Variants in MARK1 observed in about 807,000 individuals in gnomAD.
MARK1 encodes the protein serine/threonine-protein kinase MARK1.
Under a neutral mutation model 96.3 loss-of-function variants are expected in MARK1, and 40 were observed. The ratio of observed to expected loss-of-function variants is 0.42; its 90% CI spans 0.32 to 0.54. MARK1 has a LOEUF of 0.54. MARK1 is among the 20% of genes least tolerant of loss of function. The probability of loss-of-function intolerance (pLI) is 0.16; values close to 1 mark genes in which losing one functional copy is unlikely to be tolerated. For missense variants in MARK1, 719 were observed against 984.6 expected (o/e 0.73, Z 3.61); for synonymous variants, 317 against 341.2 (o/e 0.93, Z 0.78).
intron 3 of MARK1, among the ~76,000 whole-genome samples, chr1:220,590,573 T>C (rs754820743): frequency 3.3e-5 from 5 of 152,148 alleles, no homozygotes; most frequent in African/African-American, 4.8e-5. Flanking sequence ...GCATTAGGGA[T>C]TCAACATATG....
intron 1 of MARK1, among the ~76,000 whole-genome samples, chr1:220,543,953 T>G (rs1159669723): frequency 6.6e-6 from 1 of 152,194 alleles, no homozygotes; most frequent in African/African-American, 2.4e-5. Context: ...AACCTCATAT[T>G]ATGATGAAAA....
chr1:220,559,797 A>G (rs981586617), intron 1 of MARK1, among the ~76,000 whole-genome samples: 1 of 152,358 alleles, frequency 6.6e-6, no homozygotes, highest in East Asian at 1.9e-4. Context: ...TTAATGAACC[A>G]TAAAGCAAAG....
chr1:220,624,868 T>C (rs980445282), intron 9 of MARK1, among the ~76,000 whole-genome samples: 21 of 152,228 alleles, frequency 1.4e-4, no homozygotes, highest in African/African-American at 4.3e-4. Flanking sequence ...GCCAGGCACC[T>C]GATTTAAAAT....
rs12736894 is a variant in MARK1, at chr1:220,546,006, G to A, written c.51+17133G>A. ...CCTTGATATCTGACCACCCCTGAGA[G>A]CTGATTGAGTTCTTCACCCCCCATC... On this transcript the variant is annotated intron_variant, in intron 1 of 17. Coordinates refer to ENST00000366917, the MANE Select transcript of MARK1 (RefSeq NM_018650.5). Among the ~76,000 whole-genome samples, 1,149 of 152,254 alleles carry A rather than the reference G, an allele frequency of 7.5e-3. 5 individuals are homozygous for A. The highest frequency in any genetic ancestry group is 0.013 in the Admixed American group (196 of 15,290).
At position 220,632,327 on chromosome 1, in the gene MARK1, CT is replaced by C; in HGVS notation, c.1122+18del. On this transcript the variant is annotated intron_variant, in intron 11 of 17. Coordinates refer to ENST00000366917, the MANE Select transcript of MARK1 (RefSeq NM_018650.5). ...AAACCACCTGAAGTAAGTTTTTCAC[CT>C]TTTCAGATTACTGTGAATTATTTCT... The C allele has an allele frequency of 5.1e-6, 6 of 1,179,480 alleles. No individual in the cohort carries two copies. The highest frequency in any genetic ancestry group is 2.0e-4 in the Middle Eastern group (1 of 4,918). The allele number at this position is 1,179,480 out of a possible 1,614,324, so 73.1% of individuals were successfully genotyped here. A position where few individuals can be genotyped will look rare whatever the true frequency, so the allele number is the denominator to read the frequency against.
chr1:220,645,812 T>C (rs1668544987), intron 13 of MARK1, among the ~76,000 whole-genome samples: 1 of 152,196 alleles, frequency 6.6e-6, no homozygotes, highest in South Asian at 2.1e-4. Context: ...ACCACATAAT[T>C]ATCTCAATAG....
intron 5 of MARK1, among the ~76,000 whole-genome samples, chr1:220,601,231 A>T (rs1028567481): frequency 3.9e-5 from 6 of 151,952 alleles, no homozygotes; most frequent in African/African-American, 1.4e-4. Flanking sequence ...TATTTCTAAA[A>T]AACTACTATA....
At chr1:220,536,592 T>G (rs1351672174) in intron 1 of MARK1, among the ~76,000 whole-genome samples, 1 of 151,930 alleles carries the variant, frequency 6.6e-6, no homozygotes, top group Non-Finnish European at 1.5e-5. Context: ...GTCTTATTCT[T>G]TCACCCAAGC....
At chr1:220,602,267 A>G (rs1025337554) in intron 5 of MARK1, among the ~76,000 whole-genome samples, 6 of 152,180 alleles carry the variant, frequency 3.9e-5, no homozygotes, top group African/African-American at 1.4e-4. Context: ...AATCCAAAGG[A>G]GCCTATTAAA....
chr1:220,601,110 G>A (rs1029381719), intron 5 of MARK1, among the ~76,000 whole-genome samples: 1 of 151,636 alleles, frequency 6.6e-6, no homozygotes, highest in Non-Finnish European at 1.5e-5. Flanking sequence ...AGTAGAGATG[G>A]GTTTTCACCG....
chr1:220,602,319 C>T (rs1304073383), intron 5 of MARK1, among the ~76,000 whole-genome samples: 2 of 152,116 alleles, frequency 1.3e-5, no homozygotes, highest in East Asian at 3.8e-4. Context: ...GTTTATTCTT[C>T]CTTTTGTTCT....
intron 13 of MARK1, among the ~76,000 whole-genome samples, chr1:220,640,064 A>T (rs1253460507): frequency 1.3e-5 from 2 of 152,242 alleles, no homozygotes; most frequent in Non-Finnish European, 2.9e-5. Context: ...ACACAGCTTT[A>T]ATACCTTTTC....
intron 7 of MARK1, 55 bp downstream of exon 7, chr1:220,616,050 T>TG: frequency 2.8e-5 from 24 of 856,754 alleles, no homozygotes; most frequent in Non-Finnish European, 4.2e-5. Context: ...TTAACATATA[T>TG]TTAATAATAA....
At chr1:220,658,557 A>G (rs1156950617) in intron 17 of MARK1, among the ~76,000 whole-genome samples, 1 of 152,204 alleles carries the variant, frequency 6.6e-6, no homozygotes, top group Non-Finnish European at 1.5e-5. Flanking sequence ...GAAATTTAAG[A>G]AATGAAGACA....
At chr1:220,645,554 A>G (rs1464493101) in intron 13 of MARK1, among the ~76,000 whole-genome samples, 2 of 152,202 alleles carry the variant, frequency 1.3e-5, no homozygotes, top group Non-Finnish European at 2.9e-5. Flanking sequence ...CTCCTCCCTG[A>G]CTCATTCTGT....
At chr1:220,543,092 C>T (rs1661254789) in intron 1 of MARK1, among the ~76,000 whole-genome samples, 1 of 152,142 alleles carries the variant, frequency 6.6e-6, no homozygotes, top group African/African-American at 2.4e-5. Flanking sequence ...AAGAATGGCT[C>T]AGGCAAAGTG....
At position 220,586,830 on chromosome 1, in the gene MARK1, C is replaced by T. The variant is rs1664658633; in HGVS notation, c.309+5712C>T. On this transcript the variant is annotated intron_variant, in intron 3 of 17. Transcript: ENST00000366917. ...TTTCTTATTTAGTTATTTTAAGCATCGTATTTTCATGTTTTTCTAAGCTTG... is the reference window on the plus strand; with the variant it reads ...TTTCTTATTTAGTTATTTTAAGCATTGTATTTTCATGTTTTTCTAAGCTTG... Among the ~76,000 whole-genome samples, 4 of 152,160 alleles carry T rather than the reference C, an allele frequency of 2.6e-5. No homozygotes were observed. The South Asian group carries it at 6.2e-4, about 24-fold the overall frequency.
At chr1:220,528,924 G>T in intron 1 of MARK1, 51 bp downstream of exon 1, 1 of 1,500,962 alleles carries the variant, frequency 6.7e-7, no homozygotes. Context: ...ACCCTCCTCT[G>T]ATCCCCACTT....
chr1:220,575,256 C>T (rs1396350372), intron 1 of MARK1, among the ~76,000 whole-genome samples: 26 of 152,146 alleles, frequency 1.7e-4, no homozygotes, highest in Admixed American at 1.5e-3. Context: ...TCACAGTCTA[C>T]TGGATTAAGT....
Sources: gnomAD v4.1 joint callset for allele counts (sites outside exome capture counted in the v4.1 genomes callset) on GRCh38, gnomAD v4.1.1 for gene constraint, MANE v1.5 for transcripts, NCBI Gene and HGNC (gene_info 2026-07-23, HGNC 2026-07-21) for gene names.